COL27A1: variants seen among roughly 807,000 people sequenced by gnomAD.
The protein encoded by COL27A1 is collagen alpha-1(XXVII) chain.
Under a neutral mutation model 251.3 loss-of-function variants are expected in COL27A1, and 106 were observed. The ratio of observed to expected loss-of-function variants is 0.42; its 90% confidence interval spans 0.36 to 0.50. The LOEUF is 0.50. Ranked by LOEUF, COL27A1 falls within the 20% of genes least tolerant of loss-of-function variation. The probability of loss-of-function intolerance (pLI) is 0.00; values close to 1 mark genes in which losing one functional copy is unlikely to be tolerated. For missense variants in COL27A1, 2,325 were observed against 2,522.8 expected, an observed-to-expected ratio of 0.92 and a Z score of 1.68; for synonymous variants, 1,000 against 986.3, an observed-to-expected ratio of 1.01 and a Z score of -0.26.
intron 1 of COL27A1, among the ~76,000 whole-genome samples, chr9:114,158,196 G>A (rs376653660): frequency 3.7e-4 from 57 of 152,294 alleles, no homozygotes; most frequent in Middle Eastern, 3.4e-3. Flanking sequence ...TACCCCATGC[G>A]TGAACAGCCA....
At chr9:114,306,821 C>T (rs1444775064) in intron 58 of COL27A1, 133 bp downstream of exon 58, 2 of 943,978 alleles carry the variant, frequency 2.1e-6, no homozygotes, top group Non-Finnish European at 3.1e-6. Flanking sequence ...GTCATTTATT[C>T]ACTCAGCAGT....
intron 58 of COL27A1, among the ~76,000 whole-genome samples, 187 bp downstream of exon 58, chr9:114,306,875 C>T (rs149125572): frequency 1.3e-3 from 195 of 152,320 alleles, no homozygotes; most frequent in African/African-American, 4.5e-3. Flanking sequence ...CTGGGGATGA[C>T]CATTTCAGTG....
chr9:114,167,858 G>A lies in COL27A1; in HGVS notation c.303G>A (p.Val101=), dbSNP rs375672077. Reference sequence around the variant, plus strand: ...CCTTGGGCACAGAGCTGGCACTGGTGCTGAGCCTCTGCTCCCACCGGGTGA... The same window carrying A: ...CCTTGGGCACAGAGCTGGCACTGGTACTGAGCCTCTGCTCCCACCGGGTGA... ...PAALGTELAL[V]LSLCSHRVNH... Residue 101 remains valine, a synonymous_variant, in exon 3 of 61, where the codon GTG becomes GTA. Coordinates refer to ENST00000356083, the MANE Select transcript of COL27A1 (RefSeq NM_032888.4). 46 of 1,613,402 alleles carry A rather than the reference G, an allele frequency of 2.9e-5. No individual in the cohort carries two copies. Among genetic ancestry groups the A allele is most frequent in the Non-Finnish European group, 3.5e-5 (41 of 1,180,010 alleles).
At chr9:114,299,757 G>T (rs576612750) in intron 49 of COL27A1, among the ~76,000 whole-genome samples, 2 of 152,342 alleles carry the variant, frequency 1.3e-5, no homozygotes, top group East Asian at 3.9e-4. Flanking sequence ...GTGGGAGGAG[G>T]CTGCAGGCCC....
At chr9:114,265,777 G>A (rs770307967) in intron 32 of COL27A1, among the ~76,000 whole-genome samples, 1 of 152,228 alleles carries the variant, frequency 6.6e-6, no homozygotes, top group Non-Finnish European at 1.5e-5. Flanking sequence ...GGGAAAGGCA[G>A]GAGGGAGGGA....
At chr9:114,216,698 C>G (rs1272236821) in intron 12 of COL27A1, among the ~76,000 whole-genome samples, 1 of 152,054 alleles carries the variant, frequency 6.6e-6, no homozygotes, top group African/African-American at 2.4e-5. Flanking sequence ...GCTCTTTTTT[C>G]CAACCACTGT....
At chr9:114,266,343 G>A (rs1834739190) in intron 32 of COL27A1, among the ~76,000 whole-genome samples, 1 of 152,146 alleles carries the variant, frequency 6.6e-6, no homozygotes, top group Admixed American at 6.5e-5. Context: ...GGCTTTAGGT[G>A]GGTGGATAGG....
chr9:114,249,244 A>G (rs931643460), intron 24 of COL27A1, among the ~76,000 whole-genome samples: 1 of 152,186 alleles, frequency 6.6e-6, no homozygotes, highest in Non-Finnish European at 1.5e-5. Flanking sequence ...AAAATGCTCT[A>G]ATTAATTTTT....
chr9:114,237,024 C>T lies in COL27A1; in HGVS notation c.2663C>T (p.Pro888Leu), dbSNP rs1345975826. ...LPGFPGARGKPGPLGKVGDKG... is the reference protein window; with the variant it reads ...LPGFPGARGKLGPLGKVGDKG... ...GGGTTCCCCGGTGCACGGGGGAAGC[C>T]AGGGCCTCTGGTAAGTACCTGCTCC... The change falls in exon 18 of 61, where the codon CCA becomes CTA. Residue 888 changes from proline (P) to leucine (L), a missense_variant. This residue lies in a region of COL27A1 where 662 missense variants were observed against 795.3 expected (regional missense o/e 0.83). Transcript: ENST00000356083. 1 of 1,609,078 alleles carries T rather than the reference C, an allele frequency of 6.2e-7. No individual in the cohort carries two copies. The highest frequency in any genetic ancestry group is 1.3e-5 in the African/African-American group (1 of 74,776).
At chr9:114,263,545 C>T (rs1440583326) in intron 28 of COL27A1, among the ~76,000 whole-genome samples, 7 of 152,148 alleles carry the variant, frequency 4.6e-5, no homozygotes, top group South Asian at 4.1e-4. Context: ...AGGGGACACA[C>T]GTGGGGCAGT....
chr9:114,247,477 C>T (rs1018201921), intron 24 of COL27A1, among the ~76,000 whole-genome samples: 2 of 152,192 alleles, frequency 1.3e-5, no homozygotes, highest in Admixed American at 6.5e-5. Flanking sequence ...ACAGAGACCC[C>T]GGGTTTAGAA....
intron 21 of COL27A1, among the ~76,000 whole-genome samples, chr9:114,240,702 G>C (rs1405301595): frequency 6.6e-6 from 1 of 152,208 alleles, no homozygotes; most frequent in Non-Finnish European, 1.5e-5. Flanking sequence ...ACCTGGCAGG[G>C]TGGCTTCCCC....
At position 114,302,086 on chromosome 9, in the gene COL27A1, C is replaced by A; in HGVS notation, c.4850C>A (p.Pro1617His). 1 of 1,612,780 alleles carries A rather than the reference C, an allele frequency of 6.2e-7. No individual in the cohort carries two copies. Among genetic ancestry groups the A allele is most frequent in the Non-Finnish European group, 8.5e-7 (1 of 1,178,774 alleles). The change falls in exon 56 of 61, where the codon CCT (proline) becomes CAT (histidine). Residue 1617 changes from proline to histidine, a missense_variant. This residue lies in a region of COL27A1 where 327 missense variants were observed against 442.8 expected (regional missense o/e 0.74). Transcript: ENST00000356083. ...GPRGRPGPPGPPGGPIQLQQD... is the reference protein window; with the variant it reads ...GPRGRPGPPGHPGGPIQLQQD... ...ACCCGCAGTCTTCTTTTGCAGGGTC[C>A]TCCAGGGGGTCCTATCCAATTGGTA...
At chr9:114,182,340 C>T (rs1465072641) in intron 4 of COL27A1, among the ~76,000 whole-genome samples, 3 of 151,542 alleles carry the variant, frequency 2.0e-5, no homozygotes, top group Non-Finnish European at 4.4e-5. Context: ...CATACCACTA[C>T]AGTCTAGCCC....
intron 10 of COL27A1, 116 bp downstream of exon 10, chr9:114,206,412 G>C (rs1259746534): frequency 2.0e-5 from 21 of 1,025,352 alleles, no homozygotes; most frequent in Non-Finnish European, 3.0e-5. Context: ...CCTCCCACTT[G>C]AGTGCTCCCG....
rs200654328 is a variant in COL27A1 at position 114,162,711 on chromosome 9, C to A, written c.63-4C>A. The A allele has an allele frequency of 4.7e-5, 75 of 1,611,500 alleles. 1 individual carries two copies. In the African/African-American group the frequency reaches 8.6e-4, roughly 18 times the overall value. Reference sequence around the variant, plus strand: ...CGCCTCTGCTTGTGTCTCCTGGTCTCTAGGGGGTTTCTCTTCTCCTGGATC... The same window carrying A: ...CGCCTCTGCTTGTGTCTCCTGGTCTATAGGGGGTTTCTCTTCTCCTGGATC... On this transcript the variant is annotated splice_region_variant and splice_polypyrimidine_tract_variant and intron_variant, in intron 1 of 60. Coordinates refer to ENST00000356083, the MANE Select transcript of COL27A1 (RefSeq NM_032888.4).
chr9:114,215,083 G>A (rs1400096657), intron 12 of COL27A1, among the ~76,000 whole-genome samples: 4 of 152,250 alleles, frequency 2.6e-5, no homozygotes, highest in Non-Finnish European at 5.9e-5. Context: ...TGCCAAGGCT[G>A]GCCTCATGCA....
chr9:114,294,412 G>A (rs1828134313), intron 49 of COL27A1, among the ~76,000 whole-genome samples: 1 of 152,090 alleles, frequency 6.6e-6, no homozygotes, highest in Non-Finnish European at 1.5e-5. Context: ...ACACCAATAT[G>A]CTTCATAAAT....
intron 49 of COL27A1, 51 bp downstream of exon 49, chr9:114,292,261 A>T (rs1469917941): frequency 3.0e-6 from 4 of 1,351,568 alleles, no homozygotes; most frequent in Non-Finnish European, 4.1e-6. Flanking sequence ...ACATGCACAC[A>T]CTCACATACA....
Sources: allele counts gnomAD v4.1 joint callset (sites outside exome capture counted in the v4.1 genomes callset), GRCh38; gene constraint gnomAD v4.1.1; regional missense constraint gnomAD v4.1.1; transcripts MANE v1.5; gene names NCBI Gene and HGNC (gene_info 2026-07-23, HGNC 2026-07-21).